CDH8: variants seen among roughly 807,000 people sequenced by gnomAD.
CDH8 encodes the protein cadherin-8.
CDH8 carries 17 observed loss-of-function variants against 68.1 expected under a neutral mutation model. The observed-to-expected ratio is 0.25, with a 90% CI of 0.17 to 0.37. The LOEUF (loss-of-function observed/expected upper bound fraction) is 0.37. CDH8 is among the 10% of genes least tolerant of loss of function. The probability of loss-of-function intolerance (pLI) is 1.00; values close to 1 mark genes in which losing one functional copy is unlikely to be tolerated. For synonymous variants in CDH8, 372 were observed against 365.1 expected, an observed-to-expected ratio of 1.02 and a Z score of -0.21; for missense variants, 763 against 999.3, an observed-to-expected ratio of 0.76 and a Z score of 3.19.
intron 10 of CDH8, among the ~76,000 whole-genome samples, chr16:61,678,686 G>T (rs987565570): frequency 6.6e-6 from 1 of 151,886 alleles, no homozygotes; most frequent in African/African-American, 2.4e-5. Context: ...TATACTACAA[G>T]GCTACAGTAA....
intron 2 of CDH8, among the ~76,000 whole-genome samples, chr16:61,959,970 A>G (rs58393840): frequency 0.15 from 6,037 of 39,404 alleles, 441 homozygotes; most frequent in African/African-American, 0.3. Context: ...TATGTGGTGT[A>G]TGTGTGTGTG....
At chr16:61,695,756 C>A (rs776956935) in intron 10 of CDH8, among the ~76,000 whole-genome samples, 2 of 152,118 alleles carry the variant, frequency 1.3e-5, no homozygotes, top group African/African-American at 2.4e-5. Flanking sequence ...CAGTCTAAAA[C>A]AATATTACTC....
chr16:61,831,544 C>A (rs1173941871), intron 4 of CDH8, among the ~76,000 whole-genome samples: 1 of 151,786 alleles, frequency 6.6e-6, no homozygotes, highest in Non-Finnish European at 1.5e-5. Context: ...GGGAGTATTT[C>A]TGATTAGAAT....
intron 8 of CDH8, among the ~76,000 whole-genome samples, chr16:61,737,994 T>A (rs371676628): frequency 2.0e-5 from 3 of 152,200 alleles, no homozygotes; most frequent in African/African-American, 7.2e-5. Flanking sequence ...GAGTAGTTTA[T>A]AATTAAATTA....
At chr16:61,695,681 T>C (rs9936068) in intron 10 of CDH8, among the ~76,000 whole-genome samples, 32,339 of 152,102 alleles carry the variant, frequency 0.21, 3,799 homozygotes, top group Middle Eastern at 0.29. Context: ...CTGATGTGAT[T>C]TGGGCACTGA....
chr16:61,788,361 A>G (rs183123580), intron 8 of CDH8, among the ~76,000 whole-genome samples: 4 of 152,162 alleles, frequency 2.6e-5, no homozygotes, highest in African/African-American at 9.6e-5. Flanking sequence ...ATTTCTCTAT[A>G]TGGTATGTGT....
intron 3 of CDH8, among the ~76,000 whole-genome samples, chr16:61,869,698 A>G (rs538923794): frequency 4.6e-5 from 7 of 152,340 alleles, no homozygotes; most frequent in Admixed American, 6.5e-5. Context: ...ATTATGCCAT[A>G]CTAGGAAATA....
At chr16:62,013,687 C>G (rs550290077) in intron 2 of CDH8, among the ~76,000 whole-genome samples, 1 of 152,100 alleles carries the variant, frequency 6.6e-6, no homozygotes, top group East Asian at 1.9e-4. Context: ...TATTCTGTCA[C>G]GTGAATATGC....
intron 10 of CDH8, among the ~76,000 whole-genome samples, chr16:61,661,916 T>C (rs1056118957): frequency 3.3e-5 from 5 of 151,688 alleles, no homozygotes; most frequent in African/African-American, 1.2e-4. Flanking sequence ...AATACAATTT[T>C]GAGTACAAGA....
chr16:61,850,921 A>G (rs1372409803), intron 4 of CDH8, among the ~76,000 whole-genome samples: 1 of 152,108 alleles, frequency 6.6e-6, no homozygotes, highest in African/African-American at 2.4e-5. Context: ...ACAACATGGC[A>G]GCATGTAGAT....
At chr16:61,681,415 G>C (rs1450633694) in intron 10 of CDH8, among the ~76,000 whole-genome samples, 1 of 151,830 alleles carries the variant, frequency 6.6e-6, no homozygotes, top group Non-Finnish European at 1.5e-5. Context: ...CATGAAATTA[G>C]ACAAATACAA....
At chr16:61,735,475 C>T (rs886372354) in intron 8 of CDH8, among the ~76,000 whole-genome samples, 4 of 152,108 alleles carry the variant, frequency 2.6e-5, no homozygotes, top group South Asian at 2.1e-4. Context: ...CTGAGAATTT[C>T]GATAAATGCC....
intron 3 of CDH8, among the ~76,000 whole-genome samples, chr16:61,887,274 G>A (rs1963692641): frequency 6.6e-6 from 1 of 152,144 alleles, no homozygotes; most frequent in African/African-American, 2.4e-5. Flanking sequence ...AGGAGTAGGA[G>A]GACCAATTTT....
At chr16:61,662,769 T>C (rs973168904) in intron 10 of CDH8, among the ~76,000 whole-genome samples, 1 of 151,870 alleles carries the variant, frequency 6.6e-6, no homozygotes, top group African/African-American at 2.4e-5. Flanking sequence ...ACATAGAGTA[T>C]GTGTAAATAC....
intron 3 of CDH8, among the ~76,000 whole-genome samples, chr16:61,877,060 C>G (rs1436548656): frequency 6.6e-6 from 1 of 152,114 alleles, no homozygotes; most frequent in Non-Finnish European, 1.5e-5. Context: ...TAATTGTGAA[C>G]TAAATGTACC....
intron 2 of CDH8, among the ~76,000 whole-genome samples, chr16:62,020,072 T>C (rs776804946): frequency 3.3e-5 from 5 of 152,308 alleles, no homozygotes; most frequent in East Asian, 1.9e-4. Context: ...ATGAGAAACA[T>C]AGTCCTTGGG....
chr16:61,684,280 T>G (rs1964063916), intron 10 of CDH8, among the ~76,000 whole-genome samples: 1 of 152,092 alleles, frequency 6.6e-6, no homozygotes, highest in African/African-American at 2.4e-5. Context: ...GAAAAATAAG[T>G]ATTGTAATAC....
chr16:61,763,503 C>A (rs1960516984), intron 8 of CDH8, among the ~76,000 whole-genome samples: 1 of 152,098 alleles, frequency 6.6e-6, no homozygotes, highest in Non-Finnish European at 1.5e-5. Context: ...TGCACACTAA[C>A]CGTAAAATAA....
chr16:62,035,912 G>T (rs568272788), intron 1 of CDH8, among the ~76,000 whole-genome samples, 168 bp downstream of exon 1: 1 of 152,314 alleles, frequency 6.6e-6, no homozygotes, highest in Admixed American at 6.5e-5. Context: ...CGGATATCGC[G>T]AAAGACACAG....
Sources: gnomAD v4.1 joint callset for allele counts (sites outside exome capture counted in the v4.1 genomes callset) on GRCh38, gnomAD v4.1.1 for gene constraint, MANE v1.5 for transcripts, NCBI Gene and HGNC (gene_info 2026-07-23, HGNC 2026-07-21) for gene names.